The following ZBBX variants were observed in gnomAD, a reference collection of about 807,000 sequenced individuals.
ZBBX encodes zinc finger B-box domain-containing protein 1.
Under a neutral mutation model 108.5 loss-of-function variants are expected in ZBBX, and 101 were observed. The observed-to-expected ratio is 0.93, with a 90% CI of 0.79 to 1.10. The LOEUF is 1.10. ZBBX is among the 50% of genes least tolerant of loss of function. ZBBX has a pLI of 0.00. For synonymous variants in ZBBX, 356 were observed against 323.4 expected, an observed-to-expected ratio of 1.10 and a Z score of -1.08; for missense variants, 1,009 against 941.4, an observed-to-expected ratio of 1.07 and a Z score of -0.94.
intron 16 of ZBBX, among the ~76,000 whole-genome samples, chr3:167,306,529 C>T (rs557703809): frequency 1.3e-5 from 2 of 152,288 alleles, no homozygotes; most frequent in African/African-American, 4.8e-5. Context: ...GTTTACATCA[C>T]CGGTTTTTAA....
In ZBBX at chr3:167,333,818, T is replaced by G; in HGVS notation, c.687+9A>C. On this transcript the variant is annotated intron_variant, in intron 10 of 21. Transcript: ENST00000675490. ...TCAGAAAATGTCTACTATATTTTCC[T>G]CAGTTTACCTCAGAGCTGCTCCTCT... 1 of 1,583,944 alleles carries G rather than the reference T, an allele frequency of 6.3e-7. No homozygotes were observed. Among genetic ancestry groups the G allele is most frequent in the Non-Finnish European group, 8.6e-7 (1 of 1,169,262 alleles).
rs190002432 is a variant in ZBBX, at chr3:167,284,337, A to G, written c.1997-1842T>C. On this transcript the variant is annotated intron_variant, in intron 19 of 21. Coordinates refer to ENST00000675490, the MANE Select transcript of ZBBX (RefSeq NM_001199201.2). ...CAAGTCTACATAAGGAAGCAATAGCACAGGCAATAGCAGTAGCTGCACAAG... is the reference window on the plus strand; with the variant it reads ...CAAGTCTACATAAGGAAGCAATAGCGCAGGCAATAGCAGTAGCTGCACAAG... Among the ~76,000 whole-genome samples the G allele has an allele frequency of 2.0e-5, 3 of 152,214 alleles. No individual in the cohort carries two copies. The East Asian group carries it at 5.8e-4, about 29-fold the overall frequency.
At chr3:167,225,667 C>T in the ZBBX span, among the ~76,000 whole-genome samples, 2 of 151,744 alleles carry the variant, frequency 1.3e-5, no homozygotes, top group African/African-American at 4.8e-5. Context: ...CATCTTCCTA[C>T]TCAAACTACT....
chr3:167,402,031 C>A (rs1196154235), intron 1 of ZBBX, among the ~76,000 whole-genome samples: 2 of 152,098 alleles, frequency 1.3e-5, no homozygotes, highest in Non-Finnish European at 2.9e-5. Flanking sequence ...ATGGTCAAGA[C>A]CCAGGACTTT....
At chr3:167,335,465 G>A (rs1040940960) in intron 9 of ZBBX, among the ~76,000 whole-genome samples, 3 of 151,998 alleles carry the variant, frequency 2.0e-5, no homozygotes, top group Admixed American at 6.6e-5. Context: ...TAAACTCCAG[G>A]GGTAAGATTC....
the ZBBX span, among the ~76,000 whole-genome samples, chr3:167,221,184 A>AT: frequency 1.3e-5 from 2 of 151,880 alleles, no homozygotes; most frequent in Non-Finnish European, 2.9e-5. Flanking sequence ...ATACCAAGAC[A>AT]TTTTTCACAG....
chr3:167,260,723 C>T (rs1050197823), intron 20 of ZBBX, among the ~76,000 whole-genome samples: 2 of 152,074 alleles, frequency 1.3e-5, no homozygotes, highest in African/African-American at 2.4e-5. Context: ...AATATTTCTC[C>T]CTTCACTTCT....
At chr3:167,322,030 A>G (rs1307255076) in intron 12 of ZBBX, 87 bp downstream of exon 12, 1 of 773,850 alleles carries the variant, frequency 1.3e-6, no homozygotes, top group Non-Finnish European at 1.9e-6. Context: ...ATATACATAT[A>G]AAATTGCTAT....
intron 20 of ZBBX, among the ~76,000 whole-genome samples, chr3:167,273,637 T>A (rs1726942169): frequency 6.6e-6 from 1 of 152,004 alleles, no homozygotes; most frequent in African/African-American, 2.4e-5. Flanking sequence ...CTCAAGCAGA[T>A]GTATGGTGGT....
chr3:167,242,793 TGTGAG>T, intron 20 of ZBBX, 150 bp from the exon 21 acceptor site: 2 of 744,630 alleles, frequency 2.7e-6, no homozygotes, highest in African/African-American at 3.6e-5. Context: ...TTCTAATGTT[TGTGAG>T]GTAAGTTTGA....
At chr3:167,391,391 A>ATTT (rs1748081138) in intron 1 of ZBBX, among the ~76,000 whole-genome samples, 1 of 152,060 alleles carries the variant, frequency 6.6e-6, no homozygotes, top group South Asian at 2.1e-4. Context: ...GTTTGCCAGT[A>ATTT]TTTTATTGAG....
intron 4 of ZBBX, among the ~76,000 whole-genome samples, chr3:167,369,001 C>T (rs915881659): frequency 1.3e-5 from 2 of 152,072 alleles, no homozygotes; most frequent in African/African-American, 2.4e-5. Context: ...CTGAACTGGT[C>T]ACCTCCAAAA....
intron 17 of ZBBX, among the ~76,000 whole-genome samples, chr3:167,303,161 C>T (rs1451767135): frequency 6.6e-6 from 1 of 152,152 alleles, no homozygotes; most frequent in Admixed American, 6.6e-5. Flanking sequence ...TATTTCCTGA[C>T]TGTTTTAATT....
chr3:167,190,061 C>T, the ZBBX span, among the ~76,000 whole-genome samples: 3 of 152,148 alleles, frequency 2.0e-5, no homozygotes, highest in Non-Finnish European at 2.9e-5. Context: ...TATTGATAGA[C>T]ATTTAGTTTT....
chr3:167,352,219 T>A (rs1208399852), intron 8 of ZBBX, among the ~76,000 whole-genome samples: 2 of 151,476 alleles, frequency 1.3e-5, no homozygotes, highest in Non-Finnish European at 2.9e-5. Context: ...TTTGAAAAAA[T>A]TAATGAAATT....
intron 20 of ZBBX, among the ~76,000 whole-genome samples, chr3:167,245,821 TTTTTTTTTATAAGTTGTAAG>T (rs1721477644): frequency 7.3e-6 from 1 of 136,484 alleles, no homozygotes; most frequent in Non-Finnish European, 1.6e-5. Context: ...TTAAACTTCT[TTTTTTTTTATAAGTTGTAAG>T]TTTTTTTTAT....
chr3:167,338,309 A>T (rs4370033), intron 9 of ZBBX, among the ~76,000 whole-genome samples: 122,518 of 152,124 alleles, frequency 0.81, 49,382 homozygotes, highest in East Asian at 0.92. Context: ...CATTAATCAA[A>T]GTAAAGAGGG....
intron 9 of ZBBX, 65 bp downstream of exon 9, chr3:167,350,355 T>A: frequency 1.3e-5 from 16 of 1,255,728 alleles, no homozygotes; most frequent in Admixed American, 2.1e-5. Context: ...AAAGACATTT[T>A]AAATGTCTTT....
the ZBBX span, among the ~76,000 whole-genome samples, chr3:167,187,186 A>C: frequency 6.6e-6 from 1 of 152,214 alleles, no homozygotes; most frequent in Non-Finnish European, 1.5e-5. Flanking sequence ...TACCAGCCTT[A>C]TTAAAATGAA....
Sources: allele counts gnomAD v4.1 joint callset (sites outside exome capture counted in the v4.1 genomes callset), GRCh38; gene constraint gnomAD v4.1.1; transcripts MANE v1.5; gene names NCBI Gene and HGNC (gene_info 2026-07-23, HGNC 2026-07-21).